ANK2: variants seen among roughly 807,000 people sequenced by gnomAD.
The protein encoded by ANK2 is ankyrin-2.
ANK2 carries 83 observed loss-of-function variants against 360.5 expected under a neutral mutation model. That is an observed-to-expected ratio of 0.23 (90% CI 0.19 to 0.28). The LOEUF is 0.28. Ranked by LOEUF, ANK2 falls within the 10% of genes least tolerant of loss-of-function variation. ANK2 has a pLI of 1.00. For missense variants in ANK2, 4,201 were observed against 4,795.7 expected (o/e 0.88, Z 3.66); for synonymous variants, 1,740 against 1,759.5 (o/e 0.99, Z 0.28).
chr4:113,289,851 T>C (rs2066664985), intron 20 of ANK2, among the ~76,000 whole-genome samples: 1 of 152,216 alleles, frequency 6.6e-6, no homozygotes, highest in Non-Finnish European at 1.5e-5. Context: ...ATTTAAAGCC[T>C]CTAATATGAA....
At chr4:113,260,886 T>C (rs966943650) in intron 13 of ANK2, among the ~76,000 whole-genome samples, 4 of 152,308 alleles carry the variant, frequency 2.6e-5, no homozygotes, top group African/African-American at 9.6e-5. Context: ...TGTGTCAGAG[T>C]TGGTCACTTC....
At chr4:113,069,676 A>G (rs2076865916) in intron 1 of ANK2, among the ~76,000 whole-genome samples, 1 of 152,200 alleles carries the variant, frequency 6.6e-6, no homozygotes, top group Admixed American at 6.5e-5. Flanking sequence ...ACAAAAGGGT[A>G]ATGTTTCTCT....
At chr4:112,936,954 AT>A (rs1158435592) in intron 2 of ANK2, among the ~76,000 whole-genome samples, 2 of 151,732 alleles carry the variant, frequency 1.3e-5, no homozygotes, top group African/African-American at 4.8e-5. Flanking sequence ...TGCCTGGCTA[AT>A]TTTTTTAGTT....
At position 113,371,959 on chromosome 4, in the gene ANK2, A is replaced by G. The variant is rs1355852227; in HGVS notation, c.11611-1131A>G. 2.0e-5 allele frequency among the ~76,000 whole-genome samples: 3 copies of G among 152,202 alleles called. No individual in the cohort carries two copies. The East Asian group carries it at 5.8e-4, about 29-fold the overall frequency. ...CTTTTGGCCAGAGCCCTAAAATACT[A>G]TTGACCACTTTATCTCAACTTCTCC... is the stretch of plus-strand genomic sequence containing the variant. On this transcript the variant is annotated intron_variant, in intron 43 of 45. Transcript: ENST00000357077.
intron 2 of ANK2, among the ~76,000 whole-genome samples, chr4:113,001,734 G>T (rs1422256757): frequency 6.6e-6 from 1 of 152,102 alleles, no homozygotes; most frequent in Non-Finnish European, 1.5e-5. Flanking sequence ...TTAGGAGTTT[G>T]AGTTTCTCTA....
intron 4 of ANK2, among the ~76,000 whole-genome samples, chr4:113,230,133 T>C (rs1563033854): frequency 6.6e-6 from 1 of 152,150 alleles, no homozygotes; most frequent in Non-Finnish European, 1.5e-5. Flanking sequence ...AGCTAGCAAG[T>C]TATTCCTGAA....
chr4:113,291,268 C>T (rs2067414001), intron 20 of ANK2, among the ~76,000 whole-genome samples: 2 of 152,200 alleles, frequency 1.3e-5, no homozygotes, highest in Admixed American at 6.5e-5. Context: ...AAAGAAGTAT[C>T]GCTTAGTGTA....
chr4:112,991,408 C>T (rs771924588), intron 2 of ANK2, among the ~76,000 whole-genome samples: 1 of 152,028 alleles, frequency 6.6e-6, no homozygotes, highest in South Asian at 2.1e-4. Flanking sequence ...CAAAATGCCA[C>T]AGATAGGGTG....
the ANK2 span, among the ~76,000 whole-genome samples, chr4:112,804,311 T>G: frequency 6.6e-6 from 1 of 152,154 alleles, no homozygotes; most frequent in Non-Finnish European, 1.5e-5. Context: ...TGAGCCACCG[T>G]GCCCGGCCAA....
chr4:113,236,664 A>G (rs1018712169), intron 5 of ANK2, among the ~76,000 whole-genome samples: 3 of 152,174 alleles, frequency 2.0e-5, no homozygotes, highest in African/African-American at 7.2e-5. Context: ...TGCTTTACCT[A>G]CAGAGGCATT....
At chr4:112,814,859 G>T (rs994418132), upstream of ANK2, among the ~76,000 whole-genome samples, 1 of 152,086 alleles carries the variant, frequency 6.6e-6, no homozygotes, top group South Asian at 2.1e-4. Flanking sequence ...GCCACATTTC[G>T]CACTTCACTT....
At chr4:113,314,186 G>T (rs1312420217) in intron 24 of ANK2, among the ~76,000 whole-genome samples, 1 of 152,054 alleles carries the variant, frequency 6.6e-6, no homozygotes, top group Non-Finnish European at 1.5e-5. Flanking sequence ...TTTTATTGTA[G>T]CTTACAAATT....
chr4:113,317,348 C>G, intron 24 of ANK2: 1 of 319,128 alleles, frequency 3.1e-6, no homozygotes. Context: ...ACATTTAACA[C>G]AGATTTAAGC....
chr4:113,151,057 T>G, intron 1 of ANK2: 1 of 1,282,854 alleles, frequency 7.8e-7, no homozygotes, highest in South Asian at 1.3e-5. Context: ...GCAAATCTAT[T>G]TATGGGAATT....
chr4:112,877,679 G>A (rs1293830721), intron 1 of ANK2, among the ~76,000 whole-genome samples: 3 of 152,032 alleles, frequency 2.0e-5, no homozygotes, highest in Non-Finnish European at 4.4e-5. Context: ...CAACTCATGG[G>A]GACTGGGGCC....
the ANK2 span, among the ~76,000 whole-genome samples, chr4:112,750,591 A>G: frequency 2.0e-5 from 3 of 152,324 alleles, no homozygotes; most frequent in South Asian, 4.1e-4. Flanking sequence ...TTGTGCAAGA[A>G]AGAATGAGAG....
chr4:113,050,900 G>A (rs2066667450), intron 1 of ANK2, among the ~76,000 whole-genome samples: 4 of 152,186 alleles, frequency 2.6e-5, no homozygotes, highest in Non-Finnish European at 4.4e-5. Context: ...TAAATAATTT[G>A]CAACCTCTGA....
intron 2 of ANK2, among the ~76,000 whole-genome samples, chr4:112,946,163 G>A (rs1025155895): frequency 4.6e-5 from 7 of 152,076 alleles, no homozygotes; most frequent in East Asian, 1.9e-4. Flanking sequence ...GCCTTTCCTC[G>A]GCTTTGAGAG....
chr4:113,204,446 C>T (rs750599074), intron 4 of ANK2, among the ~76,000 whole-genome samples: 2 of 152,134 alleles, frequency 1.3e-5, no homozygotes, highest in Non-Finnish European at 2.9e-5. Flanking sequence ...GTGTCTGGGG[C>T]GGTCAGTCTG....
Sources: allele counts gnomAD v4.1 joint callset (sites outside exome capture counted in the v4.1 genomes callset), GRCh38; gene constraint gnomAD v4.1.1; transcripts MANE v1.5; gene names NCBI Gene and HGNC (gene_info 2026-07-23, HGNC 2026-07-21).